ATXN1: variants seen among roughly 807,000 people sequenced by gnomAD.
ATXN1 encodes the protein ataxin-1.
In ATXN1, 8 loss-of-function variants were observed where a neutral mutation model predicts 56.4. The observed-to-expected ratio is 0.14, with a 90% confidence interval of 0.08 to 0.26. The LOEUF (loss-of-function observed/expected upper bound fraction) is 0.26, where lower values mean the gene tolerates loss of function less well. Ranked by LOEUF, ATXN1 falls within the 10% of genes least tolerant of loss-of-function variation. ATXN1 has a pLI of 1.00. For missense variants in ATXN1, 987 were observed against 1,106.5 expected, an observed-to-expected ratio of 0.89 and a Z score of 1.53; for synonymous variants, 514 against 494.6, an observed-to-expected ratio of 1.04 and a Z score of -0.52.
At chr6:16,636,663 C>T (rs1451156870) in intron 3 of ATXN1, among the ~76,000 whole-genome samples, 2 of 152,162 alleles carry the variant, frequency 1.3e-5, no homozygotes, top group South Asian at 4.1e-4. Flanking sequence ...TAATATGAAA[C>T]CTTTTATACA....
intron 6 of ATXN1, among the ~76,000 whole-genome samples, chr6:16,464,777 G>A (rs1280491025): frequency 6.6e-6 from 1 of 151,960 alleles, no homozygotes; most frequent in African/African-American, 2.4e-5. Context: ...GGGGTTTTGG[G>A]GATTGGGAGG....
intron 2 of ATXN1, among the ~76,000 whole-genome samples, chr6:16,727,690 G>A (rs1759880534): frequency 6.6e-6 from 1 of 152,106 alleles, no homozygotes; most frequent in Non-Finnish European, 1.5e-5. Context: ...TTATTAGTCT[G>A]TGACATTATT....
intron 1 of ATXN1, chr6:16,754,678 T>C (rs1760833721): frequency 6.6e-6 from 1 of 152,230 alleles, no homozygotes; most frequent in African/African-American, 2.4e-5. Context: ...ATTTAAGCAT[T>C]GATTGCCTGC....
chr6:16,347,917 A>G (rs1415488071), intron 6 of ATXN1, among the ~76,000 whole-genome samples: 2 of 151,944 alleles, frequency 1.3e-5, no homozygotes, highest in Admixed American at 6.6e-5. Context: ...GCTGCTGTTC[A>G]CTCTTTGGAT....
chr6:16,703,397 G>A (rs1759331964), intron 2 of ATXN1, among the ~76,000 whole-genome samples: 1 of 152,122 alleles, frequency 6.6e-6, no homozygotes, highest in Non-Finnish European at 1.5e-5. Context: ...GATTTAATGG[G>A]TGCAGTACAA....
At chr6:16,697,133 C>T (rs930765651) in intron 2 of ATXN1, among the ~76,000 whole-genome samples, 1 of 152,172 alleles carries the variant, frequency 6.6e-6, no homozygotes, top group Non-Finnish European at 1.5e-5. Context: ...CCTGCTGGTG[C>T]AATTTAGGTG....
In ATXN1 at chr6:16,335,343, C is replaced by T. The variant is rs375643604; in HGVS notation, c.-160-6873G>A. On this transcript the variant is annotated intron_variant, in intron 6 of 7. Coordinates refer to ENST00000436367, the MANE Select transcript of ATXN1 (RefSeq NM_001128164.2). Reference sequence around the variant, plus strand: ...TCCAGGCCAGAAACCACCAGAGAGGCGAGCTGGGACCTGGCACAACTTTGT... The same window carrying T: ...TCCAGGCCAGAAACCACCAGAGAGGTGAGCTGGGACCTGGCACAACTTTGT... Among the ~76,000 whole-genome samples the T allele has an allele frequency of 2.0e-4, 30 of 152,342 alleles. No homozygotes were observed. The East Asian group carries it at 4.2e-3, about 22-fold the overall frequency.
chr6:16,454,544 G>C (rs963238991), intron 6 of ATXN1, among the ~76,000 whole-genome samples: 1 of 152,146 alleles, frequency 6.6e-6, no homozygotes, highest in African/African-American at 2.4e-5. Context: ...ATTATCTACA[G>C]TGTAGCCAAT....
rs60416047 is a variant in ATXN1, at chr6:16,569,528, G to GAAAA, written c.-361+16248_-361+16251dup. Among the ~76,000 whole-genome samples, 9 of 96,358 alleles carry GAAAA rather than the reference G, an allele frequency of 9.3e-5. 1 individual carries two copies. Among genetic ancestry groups the GAAAA allele is most frequent in the South Asian group, 3.9e-4 (1 of 2,576 alleles). 63.2% of individuals were successfully genotyped at this position (96,358 alleles called of 152,430 possible). On this transcript the variant is annotated intron_variant, in intron 4 of 7. Transcript: ENST00000436367. ...GGCGACAGAGTGAGACTCCGTCTCA[G>GAAAA]AAAAAAAAAAAAAAAAAACAGTTCC...
chr6:16,428,172 G>A (rs1230403364), intron 6 of ATXN1, among the ~76,000 whole-genome samples: 2 of 149,226 alleles, frequency 1.3e-5, no homozygotes, highest in African/African-American at 5.0e-5. Context: ...AGGCTGGAGT[G>A]CAATGGGGCA....
At chr6:16,749,314 G>T (rs1363945794) in intron 2 of ATXN1, among the ~76,000 whole-genome samples, 3 of 152,174 alleles carry the variant, frequency 2.0e-5, no homozygotes, top group African/African-American at 4.8e-5. Flanking sequence ...AAAGATCAAA[G>T]AAATGCTGGA....
intron 5 of ATXN1, among the ~76,000 whole-genome samples, chr6:16,512,346 C>T (rs1761100081): frequency 6.6e-6 from 1 of 152,180 alleles, no homozygotes; most frequent in African/African-American, 2.4e-5. Flanking sequence ...CAGGAAATAG[C>T]TGAATGTGAA....
intron 3 of ATXN1, among the ~76,000 whole-genome samples, chr6:16,613,021 T>G (rs1763139536): frequency 1.3e-5 from 2 of 150,022 alleles, no homozygotes; most frequent in Non-Finnish European, 3.0e-5. Context: ...ATCCCAGCAC[T>G]TTGGGAGGCC....
At chr6:16,353,718 C>T (rs1345295924) in intron 6 of ATXN1, among the ~76,000 whole-genome samples, 1 of 152,104 alleles carries the variant, frequency 6.6e-6, no homozygotes, top group Non-Finnish European at 1.5e-5. Flanking sequence ...ACACACTTGG[C>T]CATTAAACTT....
At chr6:16,647,126 GC>G (rs749100610) in intron 3 of ATXN1, among the ~76,000 whole-genome samples, 1 of 151,888 alleles carries the variant, frequency 6.6e-6, no homozygotes, top group Non-Finnish European at 1.5e-5. Context: ...TGTCTCAGAC[GC>G]CCAAGTAGCT....
chr6:16,753,125 A>C (rs1302960280), intron 2 of ATXN1, 108 bp downstream of exon 2: 1 of 391,896 alleles, frequency 2.6e-6, no homozygotes, highest in African/African-American at 2.1e-5. Context: ...TTTGCAAAGA[A>C]AATGATATTC....
At chr6:16,363,533 T>C (rs542233313) in intron 6 of ATXN1, among the ~76,000 whole-genome samples, 3 of 152,356 alleles carry the variant, frequency 2.0e-5, no homozygotes, top group African/African-American at 7.2e-5. Flanking sequence ...TGATGCTCTT[T>C]GACATGAATT....
At chr6:16,474,462 T>C (rs1025303909) in intron 6 of ATXN1, among the ~76,000 whole-genome samples, 3 of 152,200 alleles carry the variant, frequency 2.0e-5, no homozygotes, top group Admixed American at 6.5e-5. Context: ...CTAGTAGCTA[T>C]GTGAGTGAGA....
intron 4 of ATXN1, among the ~76,000 whole-genome samples, chr6:16,573,329 T>G (rs1762365413): frequency 1.3e-5 from 2 of 152,146 alleles, no homozygotes. Flanking sequence ...CATCTTTGAC[T>G]CCTTCCTCTC....
Sources: gnomAD v4.1 joint callset for allele counts (sites outside exome capture counted in the v4.1 genomes callset) on GRCh38, gnomAD v4.1.1 for gene constraint, MANE v1.5 for transcripts, NCBI Gene and HGNC (gene_info 2026-07-23, HGNC 2026-07-21) for gene names.